Variants in RXFP2 observed in about 807,000 individuals in gnomAD.
RXFP2 encodes relaxin family peptide receptor 2, also known as relaxin receptor 2.
Under a neutral mutation model 88.6 loss-of-function variants are expected in RXFP2, and 68 were observed. The ratio of observed to expected loss-of-function variants is 0.77; its 90% CI spans 0.63 to 0.94. The LOEUF is 0.94. Ranked by LOEUF, RXFP2 falls within the 40% of genes least tolerant of loss-of-function variation. RXFP2 has a pLI of 0.00. For synonymous variants in RXFP2, 329 were observed against 306.8 expected (o/e 1.07, Z -0.76); for missense variants, 791 against 893.9 (o/e 0.88, Z 1.47).
intron 10 of RXFP2, among the ~76,000 whole-genome samples, chr13:31,781,966 C>T (rs1165355971): frequency 6.6e-6 from 1 of 152,016 alleles, no homozygotes; most frequent in Non-Finnish European, 1.5e-5. Flanking sequence ...TCTTTATTTC[C>T]GTGCACCTTC....
In RXFP2 at chr13:31,773,583, G is replaced by C. The variant is rs533952529; in HGVS notation, c.498-1037G>C. Among the ~76,000 whole-genome samples, 5 of 152,078 alleles carry C rather than the reference G, an allele frequency of 3.3e-5. No homozygotes were observed. In the Middle Eastern group the frequency reaches 0.014, roughly 414 times the overall value. Reference sequence around the variant, plus strand: ...TTCATCTCCCCGCTTCCTGACCTCTGATAACCCCTCCAATCTTGGCTTTAC... The same window carrying C: ...TTCATCTCCCCGCTTCCTGACCTCTCATAACCCCTCCAATCTTGGCTTTAC... On this transcript the variant is annotated intron_variant, in intron 5 of 17. Transcript: ENST00000298386.
At chr13:31,776,102 T>TTTCTTTCTTTCTTTTTC (rs35847911) in intron 7 of RXFP2, among the ~76,000 whole-genome samples, 2 of 109,830 alleles carry the variant, frequency 1.8e-5, no homozygotes, top group African/African-American at 7.1e-5. Flanking sequence ...CTTTCTTTTC[T>TTTCTTTCTTTCTTTTTC]TTTCTTTCTT....
intron 1 of RXFP2, among the ~76,000 whole-genome samples, chr13:31,749,605 T>G (rs1871575400): frequency 6.6e-6 from 1 of 152,228 alleles, no homozygotes; most frequent in Non-Finnish European, 1.5e-5. Flanking sequence ...ATACTTTACA[T>G]AAATGTCTTG....
intron 17 of RXFP2, among the ~76,000 whole-genome samples, chr13:31,798,929 G>T (rs1428204648): frequency 6.6e-6 from 1 of 152,114 alleles, no homozygotes; most frequent in Non-Finnish European, 1.5e-5. Flanking sequence ...CCACTTTCAT[G>T]CAATCCAGTT....
rs997465785 is a variant in RXFP2 at position 31,797,996 on chromosome 13, T to A, written c.2005+577T>A. Among the ~76,000 whole-genome samples the A allele has an allele frequency of 2.6e-4, 39 of 152,208 alleles. 1 individual carries two copies. Among genetic ancestry groups the A allele is most frequent in the African/African-American group, 9.4e-4 (39 of 41,458 alleles). The stretch of plus-strand genomic sequence containing the variant: ...TTCATCTGAAGCCCCTTCTGGAATC[T>A]AGAGATCACAGCTATTTAGGGGCCA... On this transcript the variant is annotated intron_variant, in intron 17 of 17. Coordinates refer to ENST00000298386, the MANE Select transcript of RXFP2 (RefSeq NM_130806.5).
intron 16 of RXFP2, among the ~76,000 whole-genome samples, chr13:31,793,921 C>T (rs1477995577): frequency 1.3e-5 from 2 of 152,152 alleles, no homozygotes; most frequent in Admixed American, 6.5e-5. Flanking sequence ...CTCCCTCAAC[C>T]CTGAATTATT....
chr13:31,786,873 T>C (rs1021037701), intron 13 of RXFP2, among the ~76,000 whole-genome samples: 1 of 152,196 alleles, frequency 6.6e-6, no homozygotes, highest in African/African-American at 2.4e-5. Context: ...TCTTGAAAAC[T>C]GGGTTCATGT....
intron 3 of RXFP2, among the ~76,000 whole-genome samples, chr13:31,762,431 C>G (rs987880310): frequency 2.6e-5 from 4 of 152,228 alleles, no homozygotes; most frequent in Non-Finnish European, 5.9e-5. Context: ...TGCAGGATGC[C>G]TCTTCACAAC....
intron 2 of RXFP2, 98 bp downstream of exon 2, chr13:31,758,502 G>T: frequency 6.5e-6 from 9 of 1,388,676 alleles, no homozygotes; most frequent in Non-Finnish European, 7.1e-6. Context: ...TAGGAAAGCT[G>T]ATTTGGTGTT....
At chr13:31,801,065 A>G (rs562331402) in intron 17 of RXFP2, among the ~76,000 whole-genome samples, 1 of 151,948 alleles carries the variant, frequency 6.6e-6, no homozygotes, top group African/African-American at 2.4e-5. Flanking sequence ...AAGAAGACAT[A>G]GAGAGGAAGA....
At chr13:31,772,080 G>T (rs1872755961) in intron 5 of RXFP2, among the ~76,000 whole-genome samples, 1 of 152,118 alleles carries the variant, frequency 6.6e-6, no homozygotes, top group African/African-American at 2.4e-5. Flanking sequence ...TAAAATGTCA[G>T]GCCTTTCTAA....
At chr13:31,779,676 T>C (rs991885867) in intron 9 of RXFP2, among the ~76,000 whole-genome samples, 2 of 152,168 alleles carry the variant, frequency 1.3e-5, no homozygotes, top group African/African-American at 2.4e-5. Flanking sequence ...TCCTGTTCCA[T>C]GAAAATGCTG....
intron 5 of RXFP2, among the ~76,000 whole-genome samples, chr13:31,770,227 A>T (rs1872688255): frequency 6.6e-6 from 1 of 152,192 alleles, no homozygotes; most frequent in African/African-American, 2.4e-5. Context: ...CTGTTCTATG[A>T]TCTTCCCAAG....
At chr13:31,772,848 C>CTT (rs1872782493) in intron 5 of RXFP2, among the ~76,000 whole-genome samples, 2 of 152,158 alleles carry the variant, frequency 1.3e-5, no homozygotes, top group African/African-American at 4.8e-5. Flanking sequence ...AAGACAAAAG[C>CTT]GTAAGGTCAA....
At chr13:31,792,523 T>A (rs562326811) in intron 15 of RXFP2, among the ~76,000 whole-genome samples, 155 bp from the exon 16 acceptor site, 15 of 152,318 alleles carry the variant, frequency 9.8e-5, no homozygotes, top group Admixed American at 4.6e-4. Context: ...TCCACTCGCT[T>A]CTTGGTACTC....
intron 1 of RXFP2, among the ~76,000 whole-genome samples, chr13:31,752,310 T>A (rs1308680579): frequency 2.0e-5 from 3 of 151,394 alleles, no homozygotes; most frequent in South Asian, 2.1e-4. Context: ...GTGGATAGGG[T>A]CCTGAGGGAC....
Position 31,792,311 on chromosome 13 carries a change from A to T in RXFP2, c.1375+276A>T, listed in dbSNP as rs1021779496. Among the ~76,000 whole-genome samples the T allele has an allele frequency of 2.0e-5, 3 of 152,216 alleles. No homozygotes were observed. The South Asian group carries it at 6.2e-4, about 31-fold the overall frequency. The stretch of plus-strand genomic sequence containing the variant: ...CAGATTATAAAGTTTTGTGGGTGAT[A>T]AAACTAATCTGAACTTCAATTACAA... On this transcript the variant is annotated intron_variant, in intron 15 of 17. Transcript: ENST00000298386.
At chr13:31,775,035 C>T (rs1872883466) in intron 6 of RXFP2, among the ~76,000 whole-genome samples, 1 of 152,174 alleles carries the variant, frequency 6.6e-6, no homozygotes, top group South Asian at 2.1e-4. Flanking sequence ...AAAATTGCCC[C>T]ACATACTTAG....
chr13:31,759,550 C>T (rs1593451829), intron 2 of RXFP2, among the ~76,000 whole-genome samples: 1 of 151,936 alleles, frequency 6.6e-6, no homozygotes, highest in East Asian at 1.9e-4. Flanking sequence ...TGGTGTGTGG[C>T]TCAAGCAGAG....
Sources: gnomAD v4.1 joint callset for allele counts (sites outside exome capture counted in the v4.1 genomes callset) on GRCh38, gnomAD v4.1.1 for gene constraint, MANE v1.5 for transcripts, NCBI Gene and HGNC (gene_info 2026-07-23, HGNC 2026-07-21) for gene names.